Variants in CIBAR2 observed in about 807,000 individuals in gnomAD.
CIBAR2 encodes the protein CBY1-interacting BAR domain-containing protein 2.
CIBAR2 carries 38 observed loss-of-function variants against 36.2 expected under a neutral mutation model. The observed-to-expected ratio is 1.05, with a 90% CI of 0.81 to 1.38. The LOEUF (loss-of-function observed/expected upper bound fraction) is 1.38. Among genes scored for constraint, CIBAR2 ranks in the 40% most tolerant of loss-of-function variants. The pLI is 0.00. For missense variants in CIBAR2, 481 were observed against 383.4 expected (o/e 1.25, Z -2.13); for synonymous variants, 182 against 149.5 (o/e 1.22, Z -1.58).
rs1340147814 is a variant in CIBAR2, at chr16:85,107,664, C to T, written c.432+3G>A. 9 of 1,613,872 alleles carry T rather than the reference C, an allele frequency of 5.6e-6. No homozygotes were observed. Among genetic ancestry groups the T allele is most frequent in the Admixed American group, 1.7e-5 (1 of 60,006 alleles). On this transcript the variant is annotated splice_donor_region_variant and intron_variant, in intron 5 of 8. Transcript: ENST00000539556. Reference sequence around the variant, plus strand: ...CTGCCCCAGACAGACATGTGACACTCACCTGGGACTGAAAAACGTGCTGTT... The same window carrying T: ...CTGCCCCAGACAGACATGTGACACTTACCTGGGACTGAAAAACGTGCTGTT...
At chr16:85,110,827 C>T (rs1414797285) in intron 1 of CIBAR2, among the ~76,000 whole-genome samples, 2 of 151,502 alleles carry the variant, frequency 1.3e-5, no homozygotes, top group Non-Finnish European at 2.9e-5. Context: ...GCCTCAGCCT[C>T]CTGAGTAGGT....
At chr16:85,103,987 G>T (rs796760028) in intron 6 of CIBAR2, among the ~76,000 whole-genome samples, 21 of 152,366 alleles carry the variant, frequency 1.4e-4, no homozygotes, top group African/African-American at 4.6e-4. Flanking sequence ...GTTGGGCATG[G>T]TGTACCCAGC....
At chr16:85,099,980 G>A (rs9921243) in intron 8 of CIBAR2, among the ~76,000 whole-genome samples, 159 bp downstream of exon 8, 8,856 of 151,546 alleles carry the variant, frequency 0.058, 545 homozygotes, top group African/African-American at 0.16. Flanking sequence ...TCAGACCCCC[G>A]GGCAGCCCTC....
At chr16:85,110,851 CCT>C (rs1284203073) in intron 1 of CIBAR2, among the ~76,000 whole-genome samples, 1 of 151,970 alleles carries the variant, frequency 6.6e-6, no homozygotes, top group African/African-American at 2.4e-5. Context: ...ATTACAGGCG[CCT>C]GCCACCATGC....
intron 6 of CIBAR2, among the ~76,000 whole-genome samples, chr16:85,102,546 T>G (rs2073964269): frequency 6.6e-6 from 1 of 152,224 alleles, no homozygotes; most frequent in East Asian, 1.9e-4. Flanking sequence ...GCACAGTGGC[T>G]TATGCCTGTA....
In CIBAR2 at chr16:85,105,408, G is replaced by A. The variant is rs768601761; in HGVS notation, c.456C>T (p.Ala152=). The change falls in exon 6 of 9, where the codon GCC becomes GCT. Residue 152 remains alanine, a synonymous_variant. Coordinates refer to ENST00000539556, the MANE Select transcript of CIBAR2 (RefSeq NM_198491.3). Reference sequence around the variant, plus strand: ...GGGTGGTGCGGCTGGAGTCCACAGCGGCCCTCTGCACTCTGGTCTCTGCCT... The same window carrying A: ...GGGTGGTGCGGCTGGAGTCCACAGCAGCCCTCTGCACTCTGGTCTCTGCCT... The part of the protein sequence containing the change: ...ISQAETRVQR[A]AVDSSRTTLQ... 1.2e-5 allele frequency: 20 copies of A among 1,613,502 alleles called. No homozygotes were observed. The Admixed American group carries it at 1.8e-4, about 15-fold the overall frequency.
At chr16:85,101,957 C>T (rs1184859122) in intron 7 of CIBAR2, among the ~76,000 whole-genome samples, 1 of 152,126 alleles carries the variant, frequency 6.6e-6, no homozygotes, top group East Asian at 1.9e-4. Flanking sequence ...CGTGAACCAC[C>T]ATGCCCCCGC....
In CIBAR2 at chr16:85,102,315, C is replaced by T; in HGVS notation, c.550G>A (p.Asp184Asn). Residue 184 changes from aspartate to asparagine, a missense_variant, in exon 7 of 9, where the codon GAC (aspartate) becomes AAC (asparagine). Asp to Asn is a conservative substitution (Grantham distance 23). Coordinates refer to ENST00000539556, the MANE Select transcript of CIBAR2 (RefSeq NM_198491.3). ...KLKDLQKFFCDFVTIEMVFHA... is the reference protein window; with the variant it reads ...KLKDLQKFFCNFVTIEMVFHA... ...AAAACCATCTCAATAGTTACAAAGT[C>T]ACAAAAAAATTTCTGTGGGGAGAGA... 6.2e-7 allele frequency: 1 copy of T among 1,610,396 alleles called. No individual in the cohort carries two copies. The highest frequency in any genetic ancestry group is 8.5e-7 in the Non-Finnish European group (1 of 1,176,846).
chr16:85,110,286 C>T lies in CIBAR2; in HGVS notation c.195G>A (p.Arg65=), dbSNP rs1326984602. 1.9e-6 allele frequency: 3 copies of T among 1,609,518 alleles called. No individual in the cohort carries two copies. Among genetic ancestry groups the T allele is most frequent in the Admixed American group, 1.7e-5 (1 of 59,484 alleles). Residue 65 remains arginine, a synonymous_variant, in exon 2 of 9, where the codon CGG becomes CGA. Coordinates refer to ENST00000539556, the MANE Select transcript of CIBAR2 (RefSeq NM_198491.3). ...CCTCAGCGAAGCCCCTCATGGTGGC[C>T]CGCAGCTCGGGGTTCTCGGAGTTGG... The part of the protein sequence containing the change: ...DFANSENPEL[R]ATMRGFAEDL...
chr16:85,101,253 C>T (rs1165653872), intron 7 of CIBAR2, among the ~76,000 whole-genome samples: 1 of 152,200 alleles, frequency 6.6e-6, no homozygotes, highest in Non-Finnish European at 1.5e-5. Flanking sequence ...TCTGATGCTG[C>T]TGTCGTGGAG....
chr16:85,103,576 C>G (rs1597666407), intron 6 of CIBAR2, among the ~76,000 whole-genome samples: 1 of 152,238 alleles, frequency 6.6e-6, no homozygotes, highest in Non-Finnish European at 1.5e-5. Context: ...GTGGTCCATG[C>G]TCCCTGGTGC....
chr16:85,100,126 C>A lies in CIBAR2; in HGVS notation c.753+13G>T, dbSNP rs557924096. The A allele has an allele frequency of 2.5e-6, 4 of 1,603,332 alleles. No homozygotes were observed. The Admixed American group carries it at 6.8e-5, about 27-fold the overall frequency. ...CATTTTAGGTGTAACCCCTCACCCA[C>A]CCACACGCTCACCTGGCTGGCGAGA... On this transcript the variant is annotated intron_variant, in intron 8 of 8. Transcript: ENST00000539556.
chr16:85,101,287 C>G (rs1055140972), intron 7 of CIBAR2, among the ~76,000 whole-genome samples: 2 of 152,088 alleles, frequency 1.3e-5, no homozygotes, highest in African/African-American at 4.8e-5. Context: ...TTGATACGCC[C>G]CACATTTTCA....
chr16:85,109,131 C>A (rs1279948239), intron 2 of CIBAR2, among the ~76,000 whole-genome samples: 1 of 151,974 alleles, frequency 6.6e-6, no homozygotes, highest in Non-Finnish European at 1.5e-5. Context: ...ATTAACTAGG[C>A]CAGGCATGGT....
At chr16:85,106,044 G>C (rs1468528568) in intron 5 of CIBAR2, among the ~76,000 whole-genome samples, 1 of 152,292 alleles carries the variant, frequency 6.6e-6, no homozygotes, top group Non-Finnish European at 1.5e-5. Flanking sequence ...TTTGTGAAAC[G>C]CCTGAGATGG....
chr16:85,110,184 G>C (rs754953412), intron 2 of CIBAR2, 42 bp downstream of exon 2: 1 of 1,465,472 alleles, frequency 6.8e-7, no homozygotes, highest in Non-Finnish European at 9.2e-7. Flanking sequence ...ATTGGAGCCT[G>C]GGTACCCCTC....
chr16:85,099,139 T>G lies in CIBAR2; in HGVS notation c.*46A>C. ...AAATAAGAACAAAGCCTCCAGGCAGTCTGGGATTATTTTAAACGGCTTGGG... is the reference window on the plus strand; with the variant it reads ...AAATAAGAACAAAGCCTCCAGGCAGGCTGGGATTATTTTAAACGGCTTGGG... On this transcript the variant is annotated 3_prime_UTR_variant, in exon 9 of 9. Coordinates refer to ENST00000539556, the MANE Select transcript of CIBAR2 (RefSeq NM_198491.3). 6.9e-7 allele frequency: 1 copy of G among 1,457,834 alleles called. No individual in the cohort carries two copies. The highest frequency in any genetic ancestry group is 9.1e-7 in the Non-Finnish European group (1 of 1,103,186). The allele number at this position is 1,457,834 out of a possible 1,614,324, so 90.3% of individuals were successfully genotyped here. A position where few individuals can be genotyped will look rare whatever the true frequency, so the allele number is the denominator to read the frequency against.
chr16:85,101,045 C>CAA (rs56107645), intron 7 of CIBAR2, among the ~76,000 whole-genome samples: 15 of 130,284 alleles, frequency 1.2e-4, no homozygotes, highest in African/African-American at 2.5e-4. Context: ...GACTCCGTCT[C>CAA]AAAAAAAAAA....
At chr16:85,104,506 G>C (rs906138325) in intron 6 of CIBAR2, among the ~76,000 whole-genome samples, 1 of 152,114 alleles carries the variant, frequency 6.6e-6, no homozygotes, top group Non-Finnish European at 1.5e-5. Context: ...TCAGGCGTTC[G>C]AGACCAGCCT....
Sources: allele counts gnomAD v4.1 joint callset (sites outside exome capture counted in the v4.1 genomes callset), GRCh38; gene constraint gnomAD v4.1.1; transcripts MANE v1.5; gene names NCBI Gene and HGNC (gene_info 2026-07-23, HGNC 2026-07-21).